Variants in HECW2 observed in about 807,000 individuals in gnomAD.
The protein encoded by HECW2 is HECT, C2 and WW domain containing E3 ubiquitin protein ligase 2.
Under a neutral mutation model 175.2 loss-of-function variants are expected in HECW2, and 61 were observed. That is an observed-to-expected ratio of 0.35 (90% CI 0.28 to 0.43). The LOEUF is 0.43. Among genes scored for constraint, HECW2 ranks in the 20% least tolerant of loss-of-function variants. HECW2 has a pLI of 1.00. For synonymous variants in HECW2, 671 were observed against 731.0 expected, an observed-to-expected ratio of 0.92 and a Z score of 1.32; for missense variants, 1,524 against 2,000.5, an observed-to-expected ratio of 0.76 and a Z score of 4.54.
chr2:196,358,001 T>C (rs1693441593), intron 2 of HECW2, among the ~76,000 whole-genome samples: 1 of 152,226 alleles, frequency 6.6e-6, no homozygotes. Context: ...TCCTTTTCTA[T>C]GTATATATCA....
chr2:196,284,338 A>C (rs1465956010), intron 14 of HECW2, among the ~76,000 whole-genome samples: 6 of 152,196 alleles, frequency 3.9e-5, no homozygotes, highest in African/African-American at 1.4e-4. Context: ...TTCAGAGTCA[A>C]ATGGAATGTG....
chr2:196,343,626 A>G lies in HECW2; in HGVS notation c.400+31T>C, dbSNP rs144388948. 6.9e-3 allele frequency: 9,271 copies of G among 1,352,698 alleles called. 58 individuals are homozygous for G. The highest frequency in any genetic ancestry group is 0.017 in the Middle Eastern group (94 of 5,540). 83.8% of individuals were successfully genotyped at this position (1,352,698 alleles called of 1,614,324 possible). A position where few individuals can be genotyped will look rare whatever the true frequency, so the allele number is the denominator to read the frequency against. ...CTGCATACTTATGCAATGTTCAATA[A>G]TAAGTTTATATTTCACACTTAGTTA... is the stretch of plus-strand genomic sequence containing the variant. On this transcript the variant is annotated intron_variant, in intron 3 of 28. Coordinates refer to ENST00000644978, the MANE Select transcript of HECW2 (RefSeq NM_001348768.2).
intron 1 of HECW2, among the ~76,000 whole-genome samples, chr2:196,561,672 GAAAATAGA>G (rs1690006836): frequency 6.6e-6 from 1 of 152,118 alleles, no homozygotes; most frequent in African/African-American, 2.4e-5. Flanking sequence ...GGCACTTAGG[GAAAATAGA>G]AAAGAACCTA....
At position 196,495,633 on chromosome 2, in the gene HECW2, T is replaced by C. The variant is rs148836044; in HGVS notation, c.-35-62175A>G. On this transcript the variant is annotated intron_variant, in intron 1 of 28. Transcript: ENST00000644978. ...TGCGGTGGGAAAAGGCCAGACAGCA[T>C]GTGCAAAGGCTTCTGCTCAGAGAGC... 1.3e-3 allele frequency among the ~76,000 whole-genome samples: 205 copies of C among 152,236 alleles called. 1 individual carries two copies. The highest frequency in any genetic ancestry group is 4.5e-3 in the African/African-American group (188 of 41,538).
chr2:196,548,177 A>C (rs1689485638), intron 1 of HECW2, among the ~76,000 whole-genome samples: 1 of 151,866 alleles, frequency 6.6e-6, no homozygotes, highest in African/African-American at 2.4e-5. Flanking sequence ...AAAATACAAA[A>C]ATAAGCCAGG....
intron 1 of HECW2, among the ~76,000 whole-genome samples, chr2:196,475,687 A>G (rs1354371840): frequency 1.3e-5 from 2 of 152,204 alleles, no homozygotes; most frequent in Non-Finnish European, 2.9e-5. Flanking sequence ...TTTCTAAAGC[A>G]CTGCAATAAA....
At chr2:196,299,998 A>T (rs904032152) in intron 13 of HECW2, among the ~76,000 whole-genome samples, 5 of 152,170 alleles carry the variant, frequency 3.3e-5, no homozygotes, top group African/African-American at 1.2e-4. Context: ...TCTACTTGAA[A>T]CAATGCAGCG....
intron 2 of HECW2, among the ~76,000 whole-genome samples, chr2:196,413,229 C>A (rs1695163826): frequency 6.6e-6 from 1 of 152,172 alleles, no homozygotes; most frequent in Non-Finnish European, 1.5e-5. Context: ...TGGTGTACTG[C>A]CTGCAGTCCC....
intron 1 of HECW2, among the ~76,000 whole-genome samples, chr2:196,486,910 G>T (rs1687025521): frequency 6.6e-6 from 1 of 152,138 alleles, no homozygotes; most frequent in South Asian, 2.1e-4. Context: ...GAGGCAGGAG[G>T]ATCACTTGAG....
chr2:196,293,064 C>T (rs1690664363), intron 13 of HECW2, among the ~76,000 whole-genome samples: 1 of 152,090 alleles, frequency 6.6e-6, no homozygotes, highest in African/African-American at 2.4e-5. Context: ...TAAACGTGTG[C>T]CATGGTGGTT....
Position 196,254,100 on chromosome 2 carries a change from G to C in HECW2, c.3420-71C>G. ...GGGGAAAAGCCTAAATCCCAAAGGA[G>C]TAGAATATTCCATCCAAGATCCGGT... On this transcript the variant is annotated intron_variant, in intron 18 of 28. Transcript: ENST00000644978. 3 of 1,582,130 alleles carry C rather than the reference G, an allele frequency of 1.9e-6. No individual in the cohort carries two copies. In the East Asian group the frequency reaches 6.8e-5, roughly 36 times the overall value.
intron 13 of HECW2, among the ~76,000 whole-genome samples, chr2:196,302,051 A>G (rs1449335352): frequency 6.6e-6 from 1 of 152,096 alleles, no homozygotes; most frequent in African/African-American, 2.4e-5. Context: ...ATCTTGAGTT[A>G]ATTTTTGTAT....
intron 1 of HECW2, among the ~76,000 whole-genome samples, chr2:196,536,235 T>C (rs2125458936): frequency 6.6e-6 from 1 of 152,348 alleles, no homozygotes; most frequent in South Asian, 2.1e-4. Context: ...GATGCTCCTG[T>C]AAAACTTACG....
intron 2 of HECW2, among the ~76,000 whole-genome samples, chr2:196,422,219 A>G (rs1056856586): frequency 3.3e-5 from 5 of 152,112 alleles, no homozygotes; most frequent in Non-Finnish European, 5.9e-5. Flanking sequence ...AGACTGGAGG[A>G]CCAGACACAT....
At position 196,488,654 on chromosome 2, in the gene HECW2, A is replaced by C. The variant is rs112924828; in HGVS notation, c.-35-55196T>G. Among the ~76,000 whole-genome samples the C allele has an allele frequency of 4.4e-3, 670 of 151,800 alleles. 5 individuals carry two copies. Among genetic ancestry groups the C allele is most frequent in the South Asian group, 0.02 (95 of 4,784 alleles). On this transcript the variant is annotated intron_variant, in intron 1 of 28. Transcript: ENST00000644978. The stretch of plus-strand genomic sequence containing the variant: ...TACACACACACACACACACACACAC[A>C]CCCCACATAAAACATACCTGATTCC...
chr2:196,580,400 A>C (rs1690730169), intron 1 of HECW2, among the ~76,000 whole-genome samples: 1 of 152,222 alleles, frequency 6.6e-6, no homozygotes, highest in Admixed American at 6.5e-5. Flanking sequence ...AAAACAATCT[A>C]CAAAACAGAA....
In HECW2 at chr2:196,278,657, G is replaced by C. The variant is rs1408475999; in HGVS notation, c.3006C>G (p.Phe1002Leu). ...TGGTGCGGGAGTTGTGGTCCACAAA[G>C]AATGCCTAGGATACAATACACTGAG... ...EMKHDHQGKA[F>L]FVDHNSRTTT... Residue 1002 changes from phenylalanine (F) to leucine (L), a missense_variant, in exon 15 of 29, where the codon TTC becomes TTG. Physicochemically the swap from Phe to Leu is conservative, Grantham distance 22. Transcript: ENST00000644978. 1 of 1,613,944 alleles carries C rather than the reference G, an allele frequency of 6.2e-7. No homozygotes were observed. Among genetic ancestry groups the C allele is most frequent in the East Asian group, 2.2e-5 (1 of 44,882 alleles).
intron 26 of HECW2, chr2:196,218,047 T>C (rs1687539298): frequency 6.6e-6 from 1 of 152,242 alleles, no homozygotes; most frequent in Non-Finnish European, 1.5e-5. Context: ...AGAAGGCTGA[T>C]CAAAACTGGA....
chr2:196,379,202 T>G (rs73053798), intron 2 of HECW2, among the ~76,000 whole-genome samples: 3,270 of 152,228 alleles, frequency 0.021, 116 homozygotes, highest in African/African-American at 0.075. Context: ...ACTAATGCAC[T>G]CTAAATAAGT....
Sources: gnomAD v4.1 joint callset for allele counts (sites outside exome capture counted in the v4.1 genomes callset) on GRCh38, gnomAD v4.1.1 for gene constraint, MANE v1.5 for transcripts, NCBI Gene and HGNC (gene_info 2026-07-23, HGNC 2026-07-21) for gene names.